MEIS2: variants seen among roughly 807,000 people sequenced by gnomAD.
MEIS2 encodes homeobox protein Meis2.
Under a neutral mutation model 58.6 loss-of-function variants are expected in MEIS2, and 9 were observed. That is an observed-to-expected ratio of 0.15 (90% CI 0.09 to 0.27). The LOEUF is 0.27. MEIS2 is among the 10% of genes least tolerant of loss of function. The pLI is 1.00. For missense variants in MEIS2, 427 were observed against 635.0 expected (o/e 0.67, Z 3.52); for synonymous variants, 221 against 228.4 (o/e 0.97, Z 0.29).
chr15:36,915,909 T>C (rs1337521303), intron 9 of MEIS2, among the ~76,000 whole-genome samples: 2 of 152,208 alleles, frequency 1.3e-5, no homozygotes, highest in Non-Finnish European at 2.9e-5. Context: ...GTTAGCACTA[T>C]AGAAAATCTG....
intron 6 of MEIS2, among the ~76,000 whole-genome samples, chr15:37,093,088 C>T (rs888293262): frequency 2.0e-5 from 3 of 152,134 alleles, no homozygotes; most frequent in African/African-American, 4.8e-5. Flanking sequence ...CCTTTTATTT[C>T]GAATGCAGTG....
chr15:36,914,731 C>T (rs2057194798), intron 9 of MEIS2, among the ~76,000 whole-genome samples: 1 of 152,100 alleles, frequency 6.6e-6, no homozygotes, highest in South Asian at 2.1e-4. Context: ...CCCTCAATTC[C>T]CAAACGTGAC....
Position 37,097,947 on chromosome 15 carries a change from G to T in MEIS2, c.245+20C>A, listed in dbSNP as rs370239814. On this transcript the variant is annotated intron_variant, in intron 2 of 11. Coordinates refer to ENST00000561208, the MANE Select transcript of MEIS2 (RefSeq NM_170675.5). ...TCTCACACTCACACACAGTAAGCTGGGTCCGGGGGGTCAGTTTACCCATAG... is the reference window on the plus strand; with the variant it reads ...TCTCACACTCACACACAGTAAGCTGTGTCCGGGGGGTCAGTTTACCCATAG... 1.3e-6 allele frequency: 2 copies of T among 1,569,992 alleles called. No homozygotes were observed. Among genetic ancestry groups the T allele is most frequent in the Non-Finnish European group, 1.7e-6 (2 of 1,153,484 alleles).
At chr15:37,005,842 C>T (rs758370970) in intron 8 of MEIS2, among the ~76,000 whole-genome samples, 3 of 152,120 alleles carry the variant, frequency 2.0e-5, no homozygotes, top group Admixed American at 6.6e-5. Flanking sequence ...TACAGGTGTA[C>T]GCCACTGGGC....
intron 7 of MEIS2, among the ~76,000 whole-genome samples, chr15:37,051,188 G>GC (rs1292004319): frequency 1.3e-5 from 2 of 152,184 alleles, no homozygotes; most frequent in Non-Finnish European, 2.9e-5. Flanking sequence ...TAGCAAAGGT[G>GC]CATCAATAAA....
intron 8 of MEIS2, among the ~76,000 whole-genome samples, chr15:37,029,310 T>A (rs2061823496): frequency 6.6e-6 from 1 of 152,194 alleles, no homozygotes; most frequent in African/African-American, 2.4e-5. Context: ...CAGCTCTGAA[T>A]ATGAGAAAGA....
At chr15:37,006,690 A>G (rs2060935095) in intron 8 of MEIS2, among the ~76,000 whole-genome samples, 1 of 152,242 alleles carries the variant, frequency 6.6e-6, no homozygotes, top group African/African-American at 2.4e-5. Flanking sequence ...GAGATGCAGA[A>G]CTGTTCGTTG....
intron 8 of MEIS2, among the ~76,000 whole-genome samples, chr15:37,029,767 A>T (rs1458692868): frequency 2.6e-5 from 4 of 152,216 alleles, no homozygotes; most frequent in Non-Finnish European, 5.9e-5. Flanking sequence ...AGGGCAGATA[A>T]CTTTCATTTT....
chr15:36,979,878 T>C (rs910089478), intron 8 of MEIS2, among the ~76,000 whole-genome samples: 12 of 146,312 alleles, frequency 8.2e-5, no homozygotes, highest in African/African-American at 1.5e-4. Context: ...ATAATAAATA[T>C]ATATAATAAC....
chr15:36,910,024 G>A (rs978831546), intron 9 of MEIS2, among the ~76,000 whole-genome samples: 1 of 152,038 alleles, frequency 6.6e-6, no homozygotes, highest in South Asian at 2.1e-4. Flanking sequence ...GCAACATGAT[G>A]AAGCCCCATC....
At chr15:37,037,691 G>A (rs952120069) in intron 7 of MEIS2, among the ~76,000 whole-genome samples, 1 of 152,132 alleles carries the variant, frequency 6.6e-6, no homozygotes, top group South Asian at 2.1e-4. Context: ...CTTGCCCTCT[G>A]GCAAAAATGC....
intron 7 of MEIS2, among the ~76,000 whole-genome samples, chr15:37,041,941 C>CT (rs2062439907): frequency 6.6e-6 from 1 of 152,028 alleles, no homozygotes; most frequent in Non-Finnish European, 1.5e-5. Context: ...CTTTGAGAGG[C>CT]CTGTTTGGGA....
At chr15:37,076,016 G>A (rs146530214) in intron 7 of MEIS2, among the ~76,000 whole-genome samples, 224 of 152,050 alleles carry the variant, frequency 1.5e-3, no homozygotes, top group Admixed American at 5.9e-3. Flanking sequence ...GTGAAACCCC[G>A]TTGTTGCTTT....
rs115959436 is a variant in MEIS2 at position 37,036,754 on chromosome 15, G to A, written c.900+60C>T. ...TTTAAAAAAAAATCAGTATGAGACC[G>A]TATAACTTGCTAGCAAAACAACAAA... On this transcript the variant is annotated intron_variant, in intron 8 of 11. Coordinates refer to ENST00000561208, the MANE Select transcript of MEIS2 (RefSeq NM_170675.5). 526 of 1,565,586 alleles carry A rather than the reference G, an allele frequency of 3.4e-4. No homozygotes were observed. The African/African-American group carries it at 5.4e-3, about 16-fold the overall frequency.
intron 8 of MEIS2, among the ~76,000 whole-genome samples, chr15:36,975,468 G>C (rs980655077): frequency 2.4e-5 from 1 of 41,308 alleles, no homozygotes; most frequent in African/African-American, 1.2e-4. Context: ...AAAAAATAAG[G>C]GTTTTTTTTT....
At chr15:36,998,724 G>A (rs1198936626) in intron 8 of MEIS2, among the ~76,000 whole-genome samples, 3 of 152,140 alleles carry the variant, frequency 2.0e-5, no homozygotes, top group Non-Finnish European at 4.4e-5. Context: ...TAAGAAAGAC[G>A]CTAAGGACTT....
Position 37,099,709 on chromosome 15 carries a change from T to TCCTCCTCCTCCTCCA in MEIS2, c.-258_-244dup, listed in dbSNP as rs1240454260. The stretch of plus-strand genomic sequence containing the variant: ...CTCTTCTTCCTCCTCCTCCTGATCT[T>TCCTCCTCCTCCTCCA]CCTCCTCCTCCTCCACCTCCTCCTC... On this transcript the variant is annotated 5_prime_UTR_variant, in exon 1 of 12. Coordinates refer to ENST00000561208, the MANE Select transcript of MEIS2 (RefSeq NM_170675.5). 5.0e-5 allele frequency: 20 copies of TCCTCCTCCTCCTCCA among 402,114 alleles called. No individual in the cohort carries two copies. In the Admixed American group the frequency reaches 8.0e-4, roughly 16 times the overall value. 24.9% of individuals were successfully genotyped at this position (402,114 alleles called of 1,614,324 possible).
intron 9 of MEIS2, among the ~76,000 whole-genome samples, chr15:36,919,989 G>T (rs1362747006): frequency 2.0e-5 from 3 of 152,122 alleles, no homozygotes; most frequent in Non-Finnish European, 4.4e-5. Flanking sequence ...ATTGTTCCTT[G>T]AAGTCAAGGA....
rs1431096477 is a variant in MEIS2, at chr15:36,889,460, AGCAAGGTAAT to A, written c.*2703_*2712del. On this transcript the variant is annotated 3_prime_UTR_variant, in exon 12 of 12. Coordinates refer to ENST00000561208, the MANE Select transcript of MEIS2 (RefSeq NM_170675.5). ...TATCATGGGGTTGGGGGTGGGGGAG[AGCAAGGTAAT>A]GCAAACAAATATTACAATTATCATT... is the stretch of plus-strand genomic sequence containing the variant. 2.6e-5 allele frequency: 4 copies of A among 152,166 alleles called. No homozygotes were observed. The highest frequency in any genetic ancestry group is 9.7e-5 in the African/African-American group (4 of 41,428). 9.4% of individuals were successfully genotyped at this position (152,166 alleles called of 1,614,324 possible).
Sources: allele counts gnomAD v4.1 joint callset (sites outside exome capture counted in the v4.1 genomes callset), GRCh38; gene constraint gnomAD v4.1.1; transcripts MANE v1.5; gene names NCBI Gene and HGNC (gene_info 2026-07-23, HGNC 2026-07-21).